MAGI2: variants seen among roughly 807,000 people sequenced by gnomAD.
The protein encoded by MAGI2 is membrane-associated guanylate kinase, WW and PDZ domain-containing protein 2.
In MAGI2, 35 loss-of-function variants were observed where a neutral mutation model predicts 133.3. The ratio of observed to expected loss-of-function variants is 0.26; its 90% CI spans 0.20 to 0.35. The LOEUF (loss-of-function observed/expected upper bound fraction) is 0.35. MAGI2 is among the 10% of genes least tolerant of loss of function. MAGI2 has a pLI of 1.00. For missense variants in MAGI2, 1,636 were observed against 1,863.4 expected (o/e 0.88, Z 2.25); for synonymous variants, 729 against 710.6 (o/e 1.03, Z -0.41).
intron 2 of MAGI2, among the ~76,000 whole-genome samples, chr7:78,667,183 T>C (rs1355204910): frequency 2.6e-5 from 4 of 152,048 alleles, no homozygotes; most frequent in African/African-American, 4.8e-5. Flanking sequence ...GAGTTAAATA[T>C]AGAACATCTT....
intron 2 of MAGI2, among the ~76,000 whole-genome samples, chr7:78,962,090 T>C (rs1400410711): frequency 1.3e-5 from 2 of 152,132 alleles, no homozygotes; most frequent in East Asian, 1.9e-4. Context: ...TGTTGGTTTA[T>C]TGAACTCTCG....
At chr7:78,793,444 A>T (rs1787344675) in intron 2 of MAGI2, among the ~76,000 whole-genome samples, 1 of 152,190 alleles carries the variant, frequency 6.6e-6, no homozygotes, top group South Asian at 2.1e-4. Context: ...CTCCCACAAC[A>T]GAGTTATCCA....
At chr7:79,376,671 A>C (rs986046842) in intron 1 of MAGI2, among the ~76,000 whole-genome samples, 7 of 151,904 alleles carry the variant, frequency 4.6e-5, no homozygotes, top group African/African-American at 1.7e-4. Context: ...GCGAAATTTC[A>C]TCATGCTACT....
intron 1 of MAGI2, among the ~76,000 whole-genome samples, chr7:79,120,417 C>G (rs752845377): frequency 1.3e-5 from 2 of 151,950 alleles, no homozygotes; most frequent in Non-Finnish European, 2.9e-5. Context: ...CTTAATGATG[C>G]TTTTTCCCTT....
chr7:78,381,136 C>T (rs922204634), intron 6 of MAGI2, among the ~76,000 whole-genome samples: 2 of 152,132 alleles, frequency 1.3e-5, no homozygotes, highest in Non-Finnish European at 2.9e-5. Context: ...CACTTGAGGT[C>T]AGGAGTTTGA....
intron 2 of MAGI2, among the ~76,000 whole-genome samples, chr7:78,756,046 C>T (rs1251935374): frequency 6.6e-6 from 1 of 152,136 alleles, no homozygotes; most frequent in Non-Finnish European, 1.5e-5. Flanking sequence ...CTCCGGGATA[C>T]TATAGGAAGA....
chr7:78,169,656 C>T (rs551761070), intron 14 of MAGI2, among the ~76,000 whole-genome samples: 95 of 152,308 alleles, frequency 6.2e-4, no homozygotes, highest in African/African-American at 2.1e-3. Context: ...TCTGCTTTCC[C>T]CTTATTCCTG....
At chr7:78,930,014 A>G (rs1438502571) in intron 2 of MAGI2, among the ~76,000 whole-genome samples, 1 of 152,092 alleles carries the variant, frequency 6.6e-6, no homozygotes, top group Non-Finnish European at 1.5e-5. Context: ...TTAAGACGTC[A>G]CCAGTAGAAT....
chr7:78,266,410 C>T (rs566201540), intron 9 of MAGI2, among the ~76,000 whole-genome samples: 3 of 152,070 alleles, frequency 2.0e-5, no homozygotes, highest in Admixed American at 6.5e-5. Context: ...GTCATGTTGC[C>T]CAGGCTGGTC....
intron 1 of MAGI2, among the ~76,000 whole-genome samples, chr7:79,145,859 T>C (rs959890520): frequency 6.6e-6 from 1 of 152,226 alleles, no homozygotes; most frequent in African/African-American, 2.4e-5. Flanking sequence ...TGGACACTAA[T>C]AGAGTGTCAT....
chr7:79,395,978 T>G (rs984319054), intron 1 of MAGI2, among the ~76,000 whole-genome samples: 4 of 152,198 alleles, frequency 2.6e-5, no homozygotes, highest in African/African-American at 7.2e-5. Context: ...CTATTGATTT[T>G]TTTAAATTAA....
intron 10 of MAGI2, among the ~76,000 whole-genome samples, chr7:78,229,996 G>A (rs1789797738): frequency 3.9e-5 from 6 of 152,314 alleles, no homozygotes; most frequent in Admixed American, 2.0e-4. Context: ...AGTTAACAGT[G>A]CCTACGTTAA....
At chr7:78,989,816 T>A (rs978649887) in intron 2 of MAGI2, among the ~76,000 whole-genome samples, 1 of 152,056 alleles carries the variant, frequency 6.6e-6, no homozygotes, top group Non-Finnish European at 1.5e-5. Context: ...CAGGTTGCAC[T>A]GATCCAAATA....
intron 1 of MAGI2, among the ~76,000 whole-genome samples, chr7:79,395,046 A>G (rs1844940727): frequency 6.6e-6 from 1 of 152,216 alleles, no homozygotes; most frequent in Non-Finnish European, 1.5e-5. Flanking sequence ...TCAGAGGCAT[A>G]CACATTATGT....
Position 78,396,322 on chromosome 7 carries a change from C to T in MAGI2, c.1046-27109G>A, listed in dbSNP as rs536754844. 6.6e-5 allele frequency among the ~76,000 whole-genome samples: 10 copies of T among 152,314 alleles called. No homozygotes were observed. The East Asian group carries it at 1.9e-3, about 29-fold the overall frequency. Reference sequence around the variant, plus strand: ...AGGGTCTTCCATTCTGCCAGCCTCCCTGACTTCTCATCATACCACTTCTCC... The same window carrying T: ...AGGGTCTTCCATTCTGCCAGCCTCCTTGACTTCTCATCATACCACTTCTCC... On this transcript the variant is annotated intron_variant, in intron 6 of 21. Transcript: ENST00000354212.
intron 2 of MAGI2, among the ~76,000 whole-genome samples, chr7:78,651,337 T>G (rs1263526224): frequency 6.6e-6 from 1 of 152,012 alleles, no homozygotes; most frequent in Non-Finnish European, 1.5e-5. Context: ...ACTTGGATAA[T>G]AGAGATGAGG....
intron 9 of MAGI2, among the ~76,000 whole-genome samples, chr7:78,293,945 G>A (rs1204959671): frequency 6.6e-6 from 1 of 152,084 alleles, no homozygotes; most frequent in Non-Finnish European, 1.5e-5. Flanking sequence ...TGGTGTTGGG[G>A]GAGGGATAGC....
intron 1 of MAGI2, among the ~76,000 whole-genome samples, chr7:79,257,377 A>C (rs939229663): frequency 2.0e-5 from 3 of 150,804 alleles, no homozygotes; most frequent in Non-Finnish European, 4.4e-5. Context: ...TGACAAAAGC[A>C]AAAAAAAATT....
intron 16 of MAGI2, among the ~76,000 whole-genome samples, chr7:78,137,412 G>A (rs1392785884): frequency 6.6e-6 from 1 of 152,184 alleles, no homozygotes; most frequent in Non-Finnish European, 1.5e-5. Flanking sequence ...CCTGATGTGT[G>A]AGAACTGATC....
Sources: gnomAD v4.1 joint callset for allele counts (sites outside exome capture counted in the v4.1 genomes callset) on GRCh38, gnomAD v4.1.1 for gene constraint, MANE v1.5 for transcripts, NCBI Gene and HGNC (gene_info 2026-07-23, HGNC 2026-07-21) for gene names.